Variants in PALD1 observed in about 807,000 individuals in gnomAD.
PALD1 encodes the protein paladin.
A neutral mutation model predicts 96.0 loss-of-function variants in PALD1; 57 were observed. That is an observed-to-expected ratio of 0.59 (90% CI 0.48 to 0.74). The LOEUF is 0.74. PALD1 is among the 30% of genes least tolerant of loss of function. The pLI is 0.00. For missense variants in PALD1, 1,063 were observed against 1,143.7 expected, an observed-to-expected ratio of 0.93 and a Z score of 1.02; for synonymous variants, 464 against 473.6, an observed-to-expected ratio of 0.98 and a Z score of 0.26.
At chr10:70,501,745 C>T (rs929280819) in intron 1 of PALD1, among the ~76,000 whole-genome samples, 1 of 151,426 alleles carries the variant, frequency 6.6e-6, no homozygotes, top group Non-Finnish European at 1.5e-5. Context: ...ATCTGAGATC[C>T]CATTTTTCAG....
intron 1 of PALD1, among the ~76,000 whole-genome samples, chr10:70,506,852 C>G (rs1398333634): frequency 6.6e-6 from 1 of 152,176 alleles, no homozygotes; most frequent in Non-Finnish European, 1.5e-5. Context: ...CTTCCCTGGC[C>G]TCTGGCCTCC....
intron 12 of PALD1, 146 bp from the exon 13 acceptor site, chr10:70,538,746 G>A: frequency 2.8e-6 from 2 of 710,424 alleles, no homozygotes; most frequent in South Asian, 3.4e-5. Context: ...GCCAGGGCCG[G>A]GGGAAGCTCC....
intron 18 of PALD1, 62 bp downstream of exon 18, chr10:70,547,508 A>G: frequency 1.8e-6 from 2 of 1,108,190 alleles, no homozygotes; most frequent in Non-Finnish European, 2.4e-6. Flanking sequence ...GTGCACAGCC[A>G]GGGAGTGGCT....
In PALD1 at chr10:70,504,903, G is replaced by C. The variant is rs1846356394; in HGVS notation, c.-29-21020G>C. ...AGGTGGTTGATTCTTAAAGCTAGTTGAAATGTGGAATCTGAAAGCACATTA... is the reference window on the plus strand; with the variant it reads ...AGGTGGTTGATTCTTAAAGCTAGTTCAAATGTGGAATCTGAAAGCACATTA... On this transcript the variant is annotated intron_variant, in intron 1 of 19. Transcript: ENST00000263563. Among the ~76,000 whole-genome samples the C allele has an allele frequency of 3.9e-5, 6 of 152,236 alleles. No homozygotes were observed. In the South Asian group the frequency reaches 1.2e-3, roughly 31 times the overall value.
the PALD1 span, among the ~76,000 whole-genome samples, chr10:70,461,050 C>G: frequency 6.7e-6 from 1 of 149,938 alleles, no homozygotes; most frequent in Non-Finnish European, 1.5e-5. Context: ...AGCAAAACTT[C>G]GTCTCAAAAA....
Position 70,534,791 on chromosome 10 carries a change from T to C in PALD1, c.1175T>C (p.Val392Ala). ...CAELHDLKEV[V>A]LENQKKLEGI... The stretch of plus-strand genomic sequence containing the variant: ...GAGTTGCATGACCTGAAAGAAGTGG[T>C]CTTGGAAAACCAGAAGAAGTTAGAA... The change falls in exon 10 of 20, where the codon GTC (valine) becomes GCC (alanine). Residue 392 changes from valine to alanine, a missense_variant. Coordinates refer to ENST00000263563, the MANE Select transcript of PALD1 (RefSeq NM_014431.3). The C allele has an allele frequency of 6.2e-7, 1 of 1,611,802 alleles. No homozygotes were observed. The highest frequency in any genetic ancestry group is 8.5e-7 in the Non-Finnish European group (1 of 1,179,232).
At chr10:70,482,739 CTT>C (rs1845954741) in intron 1 of PALD1, among the ~76,000 whole-genome samples, 3 of 152,192 alleles carry the variant, frequency 2.0e-5, no homozygotes, top group Admixed American at 2.0e-4. Flanking sequence ...GGGCAAGAAA[CTT>C]AACCTCTCTG....
chr10:70,535,365 C>T (rs1239678243), intron 10 of PALD1, among the ~76,000 whole-genome samples: 1 of 152,036 alleles, frequency 6.6e-6, no homozygotes, highest in Non-Finnish European at 1.5e-5. Flanking sequence ...GTTTCTTCTT[C>T]TCTTCCTCCT....
chr10:70,558,293 G>A (rs1380301617), intron 18 of PALD1, among the ~76,000 whole-genome samples: 1 of 152,054 alleles, frequency 6.6e-6, no homozygotes, highest in Non-Finnish European at 1.5e-5. Context: ...TACTCTCCAT[G>A]TGACCATGGC....
intron 1 of PALD1, among the ~76,000 whole-genome samples, chr10:70,513,835 A>G (rs1446175346): frequency 6.6e-6 from 1 of 152,214 alleles, no homozygotes; most frequent in African/African-American, 2.4e-5. Context: ...GAGGCAGGCA[A>G]CTAGGGGTGC....
At chr10:70,522,804 T>C (rs1187515072) in intron 1 of PALD1, among the ~76,000 whole-genome samples, 1 of 152,178 alleles carries the variant, frequency 6.6e-6, no homozygotes, top group Non-Finnish European at 1.5e-5. Context: ...CTGGGACCAC[T>C]AATCTGAGGC....
chr10:70,496,123 T>C (rs1846191559), intron 1 of PALD1, among the ~76,000 whole-genome samples: 1 of 152,308 alleles, frequency 6.6e-6, no homozygotes, highest in East Asian at 1.9e-4. Flanking sequence ...GTATCAGGAC[T>C]TGAACTCTGG....
intron 1 of PALD1, among the ~76,000 whole-genome samples, chr10:70,519,386 C>G (rs529263615): frequency 6.6e-6 from 1 of 152,086 alleles, no homozygotes; most frequent in Non-Finnish European, 1.5e-5. Flanking sequence ...TACAGGCCCA[C>G]TTTTTCATTG....
chr10:70,487,972 AC>A (rs1251673854), intron 1 of PALD1, among the ~76,000 whole-genome samples: 3 of 152,158 alleles, frequency 2.0e-5, no homozygotes, highest in African/African-American at 7.2e-5. Flanking sequence ...GACTCATATA[AC>A]AGGTAGCTTT....
intron 1 of PALD1, among the ~76,000 whole-genome samples, chr10:70,483,612 G>C (rs1352364957): frequency 6.6e-6 from 1 of 152,186 alleles, no homozygotes; most frequent in Admixed American, 6.5e-5. Flanking sequence ...GACCCTGCCA[G>C]CTTCTGCATC....
chr10:70,514,639 C>T lies in PALD1; in HGVS notation c.-29-11284C>T, dbSNP rs1039790338. 2.5e-4 allele frequency among the ~76,000 whole-genome samples: 38 copies of T among 152,106 alleles called. 1 individual carries two copies. Among genetic ancestry groups the T allele is most frequent in the South Asian group, 4.2e-4 (2 of 4,814 alleles). On this transcript the variant is annotated intron_variant, in intron 1 of 19. Coordinates refer to ENST00000263563, the MANE Select transcript of PALD1 (RefSeq NM_014431.3). ...GTTCATGTCTTTGACTTTGCTCAGC[C>T]GTCACCTCTTCTGTAAACTGGGGAT...
At chr10:70,516,725 TTTTC>T (rs1169506896) in intron 1 of PALD1, among the ~76,000 whole-genome samples, 1 of 151,962 alleles carries the variant, frequency 6.6e-6, no homozygotes, top group Non-Finnish European at 1.5e-5. Flanking sequence ...GGCCATTTTT[TTTTC>T]TTTCTATCTT....
rs1392280029 is a variant in PALD1, at chr10:70,540,633, C to G, written c.1909-469C>G. Among the ~76,000 whole-genome samples, 1 of 152,112 alleles carries G rather than the reference C, an allele frequency of 6.6e-6. No homozygotes were observed. Among genetic ancestry groups the G allele is most frequent in the African/African-American group, 2.4e-5 (1 of 41,394 alleles). On this transcript the variant is annotated intron_variant, in intron 15 of 19. Coordinates refer to ENST00000263563, the MANE Select transcript of PALD1 (RefSeq NM_014431.3). The surrounding 1 kb of genome is among the most constrained non-coding windows in gnomAD (Gnocchi z 4.2). ...CTGAGCCCCTCCTGGCGCATCTCTT[C>G]GCGGCTCTCACTGCCTGCGGTCTGC...
intron 7 of PALD1, 30 bp downstream of exon 7, chr10:70,533,100 G>C: frequency 1.3e-6 from 2 of 1,543,546 alleles, no homozygotes; most frequent in Non-Finnish European, 1.8e-6. Flanking sequence ...GCATGGGGGA[G>C]GAGTCTTGAG....
Sources: allele counts gnomAD v4.1 joint callset (sites outside exome capture counted in the v4.1 genomes callset), GRCh38; gene constraint gnomAD v4.1.1; non-coding constraint Gnocchi (gnomAD v3.1); transcripts MANE v1.5; gene names NCBI Gene and HGNC (gene_info 2026-07-23, HGNC 2026-07-21).